The following TPST1 variants were observed in gnomAD, a reference collection of about 807,000 sequenced individuals.
TPST1 encodes tyrosylprotein sulfotransferase 1, also known as protein-tyrosine sulfotransferase 1.
In TPST1, 20 loss-of-function variants were observed where a neutral mutation model predicts 34.8. The observed-to-expected ratio is 0.57, with a 90% CI of 0.40 to 0.84. The LOEUF (loss-of-function observed/expected upper bound fraction) is 0.84, where lower values mean the gene tolerates loss of function less well. TPST1 is among the 40% of genes least tolerant of loss of function. The probability of loss-of-function intolerance (pLI) is 0.00; values close to 1 mark genes in which losing one functional copy is unlikely to be tolerated. For missense variants in TPST1, 353 were observed against 455.5 expected (o/e 0.78, Z 2.05); for synonymous variants, 152 against 159.4 (o/e 0.95, Z 0.35).
At chr7:66,350,944 TTGTAGTATATCACACATACAGTATACC>T (rs1792464934) in intron 3 of TPST1, among the ~76,000 whole-genome samples, 1 of 152,222 alleles carries the variant, frequency 6.6e-6, no homozygotes, top group Admixed American at 6.5e-5. Context: ...TTGAATTTTG[TTGTAGTATATCACACATACAGTATACC>T]AATCATTTAT....
chr7:66,255,954 G>A (rs1027852501), intron 2 of TPST1, among the ~76,000 whole-genome samples: 7 of 152,078 alleles, frequency 4.6e-5, no homozygotes, highest in Admixed American at 2.6e-4. Context: ...TCATTGCCCA[G>A]ACCTACTATT....
intron 3 of TPST1, among the ~76,000 whole-genome samples, chr7:66,316,366 C>A (rs955259174): frequency 1.3e-5 from 2 of 152,144 alleles, no homozygotes; most frequent in East Asian, 3.8e-4. Context: ...TTTTGTGAAT[C>A]TTACTGTGTG....
At chr7:66,213,902 G>A (rs901225982) in intron 1 of TPST1, among the ~76,000 whole-genome samples, 4 of 152,024 alleles carry the variant, frequency 2.6e-5, no homozygotes, top group Non-Finnish European at 4.4e-5. Flanking sequence ...ACTGTATCTT[G>A]GACATTTTGG....
At chr7:66,247,882 G>A (rs192346726) in intron 2 of TPST1, among the ~76,000 whole-genome samples, 162 of 152,232 alleles carry the variant, frequency 1.1e-3, no homozygotes, top group African/African-American at 3.5e-3. Flanking sequence ...GAACAACTAC[G>A]CCCTGTTATG....
Position 66,212,889 on chromosome 7 carries a change from A to G in TPST1, c.-102+7367A>G, listed in dbSNP as rs1237796296. Among the ~76,000 whole-genome samples the G allele has an allele frequency of 2.6e-5, 4 of 152,106 alleles. No individual in the cohort carries two copies. In the South Asian group the frequency reaches 8.3e-4, roughly 32 times the overall value. On this transcript the variant is annotated intron_variant, in intron 1 of 5. Transcript: ENST00000304842. ...TGGTTGACAGTTCTTTGCTTTTAAC[A>G]TTTGAGAAATGTTGAGAAACTTTTT...
At position 66,286,506 on chromosome 7, in the gene TPST1, T is replaced by C. The variant is rs201065247; in HGVS notation, c.846-5T>C. The C allele has an allele frequency of 5.7e-6, 9 of 1,565,492 alleles. No homozygotes were observed. The highest frequency in any genetic ancestry group is 7.8e-6 in the Non-Finnish European group (9 of 1,156,362). The stretch of plus-strand genomic sequence containing the variant: ...AAATATTTATTCATATTATGTTGTT[T>C]TCAGAGTGGAGAGATCTACAGACCA... On this transcript the variant is annotated splice_region_variant and splice_polypyrimidine_tract_variant and intron_variant, in intron 2 of 5. Transcript: ENST00000304842.
intron 1 of TPST1, among the ~76,000 whole-genome samples, chr7:66,239,177 AG>A (rs1342594137): frequency 1.3e-5 from 2 of 152,180 alleles, no homozygotes; most frequent in Non-Finnish European, 2.9e-5. Flanking sequence ...TTAAAGAGAC[AG>A]GGTCTCAGTG....
intron 3 of TPST1, among the ~76,000 whole-genome samples, chr7:66,323,058 A>G (rs982084163): frequency 6.6e-6 from 1 of 152,034 alleles, no homozygotes; most frequent in East Asian, 1.9e-4. Context: ...CTATTTATGT[A>G]TCATCTTTGG....
intron 2 of TPST1, among the ~76,000 whole-genome samples, chr7:66,270,962 G>A (rs1790692112): frequency 6.6e-6 from 1 of 152,164 alleles, no homozygotes; most frequent in African/African-American, 2.4e-5. Context: ...TTTATGAAGA[G>A]ACATATCCTT....
At chr7:66,274,165 G>A (rs1197384347) in intron 2 of TPST1, among the ~76,000 whole-genome samples, 1 of 151,672 alleles carries the variant, frequency 6.6e-6, no homozygotes, top group African/African-American at 2.4e-5. Context: ...TCAGGAGATC[G>A]AGACCATCCT....
At chr7:66,263,841 G>C (rs1230680855) in intron 2 of TPST1, among the ~76,000 whole-genome samples, 1 of 152,142 alleles carries the variant, frequency 6.6e-6, no homozygotes, top group Non-Finnish European at 1.5e-5. Context: ...AGCGACAGAA[G>C]AACTGGCAAC....
At chr7:66,254,161 A>G (rs890507413) in intron 2 of TPST1, among the ~76,000 whole-genome samples, 1 of 152,148 alleles carries the variant, frequency 6.6e-6, no homozygotes, top group African/African-American at 2.4e-5. Context: ...GAAAAATCAG[A>G]CTAAATTTAC....
intron 2 of TPST1, among the ~76,000 whole-genome samples, chr7:66,284,274 G>A (rs540804716): frequency 7.2e-5 from 11 of 152,124 alleles, no homozygotes; most frequent in East Asian, 1.9e-4. Flanking sequence ...AATAATAGCC[G>A]TTGTTTAGTG....
chr7:66,248,572 C>T lies in TPST1; in HGVS notation c.845+7302C>T, dbSNP rs915029788. On this transcript the variant is annotated intron_variant, in intron 2 of 5. Coordinates refer to ENST00000304842, the MANE Select transcript of TPST1 (RefSeq NM_003596.4). Reference sequence around the variant, plus strand: ...GGGCTGGAGTGCAATGGCATGATCTCGGCTCACTGCAACCTCTGCCTCACG... The same window carrying T: ...GGGCTGGAGTGCAATGGCATGATCTTGGCTCACTGCAACCTCTGCCTCACG... Among the ~76,000 whole-genome samples the T allele has an allele frequency of 9.9e-5, 14 of 142,024 alleles. No homozygotes were observed. In the East Asian group the frequency reaches 1.0e-3, roughly 10 times the overall value. 93.2% of individuals were successfully genotyped at this position (142,024 alleles called of 152,430 possible). A position where few individuals can be genotyped will look rare whatever the true frequency, so the allele number is the denominator to read the frequency against.
At chr7:66,303,608 C>T (rs920310652) in intron 3 of TPST1, among the ~76,000 whole-genome samples, 1 of 152,020 alleles carries the variant, frequency 6.6e-6, no homozygotes, top group African/African-American at 2.4e-5. Flanking sequence ...CAGGGTTTCA[C>T]CAAGTTGCCC....
intron 2 of TPST1, among the ~76,000 whole-genome samples, chr7:66,273,889 G>A (rs898518490): frequency 7.2e-5 from 11 of 152,066 alleles, no homozygotes; most frequent in African/African-American, 7.2e-5. Flanking sequence ...TGCAACCTCC[G>A]CCTTCTGGGT....
chr7:66,207,202 C>G (rs1023101281), intron 1 of TPST1, among the ~76,000 whole-genome samples: 2 of 152,162 alleles, frequency 1.3e-5, no homozygotes, highest in African/African-American at 4.8e-5. Context: ...TTGACTTAAC[C>G]TCTAGATTCC....
At chr7:66,299,316 T>TA (rs1554350090) in intron 3 of TPST1, among the ~76,000 whole-genome samples, 84 of 150,768 alleles carry the variant, frequency 5.6e-4, no homozygotes, top group African/African-American at 1.9e-3. Context: ...TTTTTTTTTT[T>TA]AATTTGAAAA....
intron 3 of TPST1, 114 bp downstream of exon 3, chr7:66,286,823 T>TTTTTCATTTATTG: frequency 3.1e-6 from 2 of 645,778 alleles, no homozygotes; most frequent in Non-Finnish European, 4.2e-6. Flanking sequence ...ATATATTTTT[T>TTTTTCATTTATTG]TTTTTTTTCA....
Sources: gnomAD v4.1 joint callset for allele counts (sites outside exome capture counted in the v4.1 genomes callset) on GRCh38, gnomAD v4.1.1 for gene constraint, MANE v1.5 for transcripts, NCBI Gene and HGNC (gene_info 2026-07-23, HGNC 2026-07-21) for gene names.